LRRC4C: variants seen among roughly 807,000 people sequenced by gnomAD.
The protein encoded by LRRC4C is leucine rich repeat containing 4C.
LRRC4C carries 5 observed loss-of-function variants against 33.6 expected under a neutral mutation model. That is an observed-to-expected ratio of 0.15 (90% CI 0.08 to 0.31). The LOEUF (loss-of-function observed/expected upper bound fraction) is 0.31, where lower values mean the gene tolerates loss of function less well. Among genes scored for constraint, LRRC4C ranks in the 10% least tolerant of loss-of-function variants. LRRC4C has a pLI of 1.00. For missense variants in LRRC4C, 560 were observed against 796.7 expected, an observed-to-expected ratio of 0.70 and a Z score of 3.58; for synonymous variants, 329 against 302.0, an observed-to-expected ratio of 1.09 and a Z score of -0.93.
chr11:40,730,209 A>T (rs1292928916), intron 2 of LRRC4C, among the ~76,000 whole-genome samples: 1 of 152,148 alleles, frequency 6.6e-6, no homozygotes, highest in East Asian at 1.9e-4. Context: ...ATATGTAACT[A>T]ACCTGCACAC....
intron 3 of LRRC4C, among the ~76,000 whole-genome samples, chr11:40,424,419 A>G (rs1950637928): frequency 6.6e-6 from 1 of 152,152 alleles, no homozygotes; most frequent in Non-Finnish European, 1.5e-5. Context: ...AAGATAACCC[A>G]CCTCTATTTT....
intron 1 of LRRC4C, among the ~76,000 whole-genome samples, chr11:41,159,189 C>T (rs1447618396): frequency 6.6e-6 from 1 of 151,888 alleles, no homozygotes; most frequent in East Asian, 1.9e-4. Flanking sequence ...ATTTGTGAGG[C>T]TAAATGTAGG....
intron 3 of LRRC4C, among the ~76,000 whole-genome samples, chr11:40,463,422 T>C (rs561330240): frequency 2.0e-5 from 3 of 151,972 alleles, no homozygotes; most frequent in South Asian, 2.1e-4. Context: ...ATGCTTACTA[T>C]AGATACTGAG....
intron 1 of LRRC4C, among the ~76,000 whole-genome samples, chr11:41,130,116 C>T (rs966451179): frequency 6.6e-6 from 1 of 151,938 alleles, no homozygotes; most frequent in African/African-American, 2.4e-5. Context: ...TTCTGTGCCT[C>T]CTTACTGCTC....
intron 3 of LRRC4C, among the ~76,000 whole-genome samples, chr11:40,335,915 T>C (rs886960389): frequency 6.6e-6 from 1 of 152,210 alleles, no homozygotes; most frequent in African/African-American, 2.4e-5. Flanking sequence ...TTCTCATCTC[T>C]TTGCCCCATG....
intron 3 of LRRC4C, among the ~76,000 whole-genome samples, chr11:40,390,478 A>G (rs566514224): frequency 1.3e-5 from 2 of 152,294 alleles, no homozygotes; most frequent in South Asian, 4.1e-4. Context: ...CCTAAAATCT[A>G]TCTAAGCTAC....
chr11:40,665,339 T>TATATATAC (rs1943724583), intron 2 of LRRC4C, among the ~76,000 whole-genome samples: 1 of 11,368 alleles, frequency 8.8e-5, no homozygotes, highest in Non-Finnish European at 2.1e-4. Flanking sequence ...TATATATATA[T>TATATATAC]ATATATATAT....
chr11:40,594,594 G>A (rs528191121), intron 3 of LRRC4C, among the ~76,000 whole-genome samples: 74 of 152,154 alleles, frequency 4.9e-4, no homozygotes, highest in Non-Finnish European at 8.7e-4. Flanking sequence ...CTTGAAACAT[G>A]AGGTAGAAAG....
intron 2 of LRRC4C, among the ~76,000 whole-genome samples, chr11:40,673,542 C>G (rs576009692): frequency 1.8e-4 from 28 of 152,094 alleles, no homozygotes; most frequent in African/African-American, 6.8e-4. Flanking sequence ...AGTAGCATAA[C>G]TTTCTCAAAA....
intron 4 of LRRC4C, among the ~76,000 whole-genome samples, chr11:40,243,687 CTTT>C (rs1274780074): frequency 5.1e-5 from 6 of 117,164 alleles, no homozygotes; most frequent in Non-Finnish European, 5.1e-5. Context: ...AAACTTATAT[CTTT>C]TTTTTTTTTT....
intron 1 of LRRC4C, among the ~76,000 whole-genome samples, chr11:41,201,094 C>T (rs1024722852): frequency 5.3e-5 from 8 of 152,198 alleles, no homozygotes; most frequent in Admixed American, 5.2e-4. Flanking sequence ...AAAGAGACTT[C>T]TCCCTCCCTA....
At chr11:41,160,255 G>A (rs1944409659) in intron 1 of LRRC4C, among the ~76,000 whole-genome samples, 1 of 151,854 alleles carries the variant, frequency 6.6e-6, no homozygotes, top group Admixed American at 6.6e-5. Flanking sequence ...CATTGTCCCA[G>A]CTACCAGGGA....
At chr11:40,549,485 A>C (rs1241334650) in intron 3 of LRRC4C, among the ~76,000 whole-genome samples, 1 of 152,204 alleles carries the variant, frequency 6.6e-6, no homozygotes, top group Middle Eastern at 3.2e-3. Context: ...ACAGAGCCTA[A>C]ATCAGATGCT....
At chr11:40,441,679 A>G (rs1016195003) in intron 3 of LRRC4C, among the ~76,000 whole-genome samples, 5 of 152,198 alleles carry the variant, frequency 3.3e-5, no homozygotes. Flanking sequence ...TAGTCTTTCA[A>G]TTATCTGAGT....
At chr11:41,342,648 G>C (rs1264496877) in intron 1 of LRRC4C, among the ~76,000 whole-genome samples, 1 of 152,168 alleles carries the variant, frequency 6.6e-6, no homozygotes, top group Non-Finnish European at 1.5e-5. Flanking sequence ...CCTGGAGGCA[G>C]AGGTTTCAGT....
intron 3 of LRRC4C, among the ~76,000 whole-genome samples, chr11:40,336,805 T>C (rs1433782395): frequency 6.6e-6 from 1 of 151,500 alleles, no homozygotes; most frequent in Non-Finnish European, 1.5e-5. Context: ...TGAAACCCCA[T>C]CTCTACTGAA....
At chr11:41,086,655 C>T (rs1940009787) in intron 1 of LRRC4C, among the ~76,000 whole-genome samples, 1 of 152,022 alleles carries the variant, frequency 6.6e-6, no homozygotes, top group Admixed American at 6.6e-5. Flanking sequence ...TGCTTTCTTA[C>T]AGGCATGGTG....
intron 1 of LRRC4C, among the ~76,000 whole-genome samples, chr11:41,368,204 T>C (rs947267686): frequency 3.9e-5 from 6 of 152,324 alleles, no homozygotes; most frequent in African/African-American, 1.4e-4. Flanking sequence ...CAGAATCAGC[T>C]TGACAATCCT....
At chr11:40,504,505 G>C (rs1954937028) in intron 3 of LRRC4C, among the ~76,000 whole-genome samples, 1 of 152,034 alleles carries the variant, frequency 6.6e-6, no homozygotes, top group African/African-American at 2.4e-5. Context: ...CAAGAATCCA[G>C]AGCTCAGGTA....
Sources: allele counts gnomAD v4.1 joint callset (sites outside exome capture counted in the v4.1 genomes callset), GRCh38; gene constraint gnomAD v4.1.1; transcripts MANE v1.5; gene names NCBI Gene and HGNC (gene_info 2026-07-23, HGNC 2026-07-21).